KMT2C: variants seen among roughly 807,000 people sequenced by gnomAD.
The protein encoded by KMT2C is histone-lysine N-methyltransferase 2C.
KMT2C carries 88 observed loss-of-function variants against 507.9 expected under a neutral mutation model. That is an observed-to-expected ratio of 0.17 (90% CI 0.15 to 0.21). The LOEUF is 0.21. Ranked by LOEUF, KMT2C falls within the 10% of genes least tolerant of loss-of-function variation. The pLI is 1.00. For missense variants in KMT2C, 4,954 were observed against 5,957.8 expected (o/e 0.83, Z 5.55); for synonymous variants, 2,049 against 2,080.8 (o/e 0.98, Z 0.42).
chr7:152,311,556 T>A (rs1027453237), intron 5 of KMT2C, among the ~76,000 whole-genome samples: 3 of 152,204 alleles, frequency 2.0e-5, no homozygotes, highest in Non-Finnish European at 2.9e-5. Context: ...GGCACCGCTA[T>A]CTACACAAGA....
intron 45 of KMT2C, 25 bp from the exon 46 acceptor site, chr7:152,156,082 A>G (rs779618881): frequency 3.1e-6 from 5 of 1,598,192 alleles, no homozygotes; most frequent in Non-Finnish European, 4.3e-6. Flanking sequence ...ACACAAAACC[A>G]TAAATACATT....
At position 152,174,262 on chromosome 7, in the gene KMT2C, T is replaced by A. The variant is rs371169696; in HGVS notation, c.9263-20A>T. ...CAAAATCTAGAAAAGAAATATAAAG[T>A]TACTTATTTCATAGTAATTAGTTCA... is the stretch of plus-strand genomic sequence containing the variant. On this transcript the variant is annotated intron_variant, in intron 38 of 58. Transcript: ENST00000262189. 7.7e-7 allele frequency: 1 copy of A among 1,297,150 alleles called. No individual in the cohort carries two copies. Among genetic ancestry groups the A allele is most frequent in the Non-Finnish European group, 1.1e-6 (1 of 901,102 alleles). 80.4% of individuals were successfully genotyped at this position (1,297,150 alleles called of 1,614,324 possible).
At chr7:152,304,409 A>G (rs1377526395) in intron 6 of KMT2C, among the ~76,000 whole-genome samples, 3 of 152,244 alleles carry the variant, frequency 2.0e-5, no homozygotes, top group South Asian at 4.1e-4. Flanking sequence ...TATTTTAAAC[A>G]TATCAGAAAA....
At chr7:152,210,340 C>T (rs1461423269) in intron 23 of KMT2C, among the ~76,000 whole-genome samples, 5 of 152,146 alleles carry the variant, frequency 3.3e-5, no homozygotes, top group Non-Finnish European at 5.9e-5. Context: ...TAATCAACTA[C>T]TTAATTCCTT....
At chr7:152,266,066 G>A (rs113301455) in intron 7 of KMT2C, among the ~76,000 whole-genome samples, 222 of 137,266 alleles carry the variant, frequency 1.6e-3, no homozygotes, top group South Asian at 3.3e-3. Context: ...AAATATGCCT[G>A]TATATAACAA....
intron 23 of KMT2C, among the ~76,000 whole-genome samples, chr7:152,210,241 C>T (rs187940280): frequency 2.0e-5 from 3 of 152,160 alleles, no homozygotes; most frequent in African/African-American, 7.2e-5. Context: ...TCTAAAGATA[C>T]GGAAACCAGA....
chr7:152,336,271 C>T (rs1446512838), intron 2 of KMT2C, among the ~76,000 whole-genome samples: 2 of 152,216 alleles, frequency 1.3e-5, no homozygotes, highest in Admixed American at 6.5e-5. Context: ...CTGTCTTTAA[C>T]TGTCACTCTT....
chr7:152,245,962 T>C (rs1010288250), intron 14 of KMT2C, among the ~76,000 whole-genome samples: 1 of 152,032 alleles, frequency 6.6e-6, no homozygotes, highest in African/African-American at 2.4e-5. Flanking sequence ...ATCCCCAACG[T>C]GAAGAATATG....
rs757137443 is a variant in KMT2C, at chr7:152,170,616, C to CCTCA, written c.9453+644_9453+647dup. Among the ~76,000 whole-genome samples, 8 of 152,268 alleles carry CCTCA rather than the reference C, an allele frequency of 5.3e-5. No homozygotes were observed. In the East Asian group the frequency reaches 9.6e-4, roughly 18 times the overall value. ...CTCCCGGGTTCAAGCGATTCTCCTG[C>CCTCA]CTCAGTCTCCCAAGTAGCTGGGACT... On this transcript the variant is annotated intron_variant, in intron 40 of 58. Transcript: ENST00000262189.
intron 18 of KMT2C, among the ~76,000 whole-genome samples, chr7:152,227,291 T>A (rs2094962238): frequency 6.6e-6 from 1 of 152,236 alleles, no homozygotes; most frequent in South Asian, 2.1e-4. Context: ...TGAACCAGTC[T>A]AGCCTTAGTT....
At chr7:152,422,668 A>ATT (rs775367216) in intron 1 of KMT2C, among the ~76,000 whole-genome samples, 5 of 152,264 alleles carry the variant, frequency 3.3e-5, no homozygotes, top group Non-Finnish European at 4.4e-5. Context: ...TGTAATATTT[A>ATT]TTCCCACCAT....
At position 152,435,828 on chromosome 7, in the gene KMT2C, T is replaced by A. The variant is rs2097912449; in HGVS notation, c.-42A>T. 9.4e-7 allele frequency: 1 copy of A among 1,058,928 alleles called. No individual in the cohort carries two copies. Among genetic ancestry groups the A allele is most frequent in the African/African-American group, 1.8e-5 (1 of 54,262 alleles). 65.6% of individuals were successfully genotyped at this position (1,058,928 alleles called of 1,614,324 possible). A position where few individuals can be genotyped will look rare whatever the true frequency, so the allele number is the denominator to read the frequency against. ...GACACATGGATCCCGGTCCTCCTCC[T>A]GGGGGGCTCCCGCCGCCGCGGCCGC... On this transcript the variant is annotated 5_prime_UTR_variant, in exon 1 of 59. Coordinates refer to ENST00000262189, the MANE Select transcript of KMT2C (RefSeq NM_170606.3).
intron 1 of KMT2C, among the ~76,000 whole-genome samples, chr7:152,433,357 C>T (rs936104017): frequency 1.3e-5 from 2 of 152,184 alleles, no homozygotes; most frequent in African/African-American, 4.8e-5. Context: ...CTTTCAGGGT[C>T]TTTACTGTCC....
At chr7:152,150,106 T>C (rs1316758197) in intron 51 of KMT2C, among the ~76,000 whole-genome samples, 3 of 152,246 alleles carry the variant, frequency 2.0e-5, no homozygotes, top group African/African-American at 4.8e-5. Context: ...GCAGTATTAC[T>C]GTACAGGAAA....
intron 6 of KMT2C, among the ~76,000 whole-genome samples, chr7:152,275,396 T>C (rs1449499137): frequency 6.6e-6 from 1 of 152,076 alleles, no homozygotes; most frequent in South Asian, 2.1e-4. Context: ...TACAAAAAAT[T>C]AGCCAGACGT....
At chr7:152,422,369 C>T (rs7790649) in intron 1 of KMT2C, among the ~76,000 whole-genome samples, 7,730 of 151,462 alleles carry the variant, frequency 0.051, 330 homozygotes, top group African/African-American at 0.11. Context: ...GCACGAGAAT[C>T]GCTTGAACCC....
chr7:152,325,828 T>C (rs967217578), intron 3 of KMT2C, among the ~76,000 whole-genome samples: 1 of 152,204 alleles, frequency 6.6e-6, no homozygotes, highest in African/African-American at 2.4e-5. Context: ...GAAATTCCTC[T>C]ACATTAACTT....
chr7:152,274,938 T>C (rs978646416), intron 6 of KMT2C, among the ~76,000 whole-genome samples: 2 of 152,196 alleles, frequency 1.3e-5, no homozygotes, highest in Non-Finnish European at 1.5e-5. Context: ...ACTTAACTTT[T>C]GGTGATCTTT....
In KMT2C at chr7:152,271,942, C is replaced by A. The variant is rs755206381; in HGVS notation, c.1012+1763G>T. On this transcript the variant is annotated intron_variant, in intron 7 of 58. Coordinates refer to ENST00000262189, the MANE Select transcript of KMT2C (RefSeq NM_170606.3). ...GCTCATATTTCCTTCTTTGTATTGA[C>A]TGCTGAAAAGGTATGGGGCCAAATT... Among the ~76,000 whole-genome samples the A allele has an allele frequency of 3.9e-5, 6 of 152,110 alleles. No homozygotes were observed. The East Asian group carries it at 9.7e-4, about 24-fold the overall frequency.
Sources: gnomAD v4.1 joint callset for allele counts (sites outside exome capture counted in the v4.1 genomes callset) on GRCh38, gnomAD v4.1.1 for gene constraint, MANE v1.5 for transcripts, NCBI Gene and HGNC (gene_info 2026-07-23, HGNC 2026-07-21) for gene names.